Variants in MIER2 observed in about 807,000 individuals in gnomAD.
The protein encoded by MIER2 is MIER family member 2, also known as mesoderm induction early response protein 2.
MIER2 carries 30 observed loss-of-function variants against 67.6 expected under a neutral mutation model. The observed-to-expected ratio is 0.44, with a 90% CI of 0.33 to 0.60. MIER2 has a LOEUF of 0.60. Ranked by LOEUF, MIER2 falls within the 20% of genes least tolerant of loss-of-function variation. MIER2 has a pLI of 0.02. For missense variants in MIER2, 702 were observed against 745.1 expected (o/e 0.94, Z 0.67); for synonymous variants, 372 against 312.6 (o/e 1.19, Z -2.00).
At position 306,607 on chromosome 19, in the gene MIER2, A is replaced by G; in HGVS notation, c.*83T>C. 1 of 1,520,244 alleles carries G rather than the reference A, an allele frequency of 6.6e-7. No homozygotes were observed. The highest frequency in any genetic ancestry group is 8.9e-7 in the Non-Finnish European group (1 of 1,119,560). The allele number at this position is 1,520,244 out of a possible 1,614,324, so 94.2% of individuals were successfully genotyped here. On this transcript the variant is annotated 3_prime_UTR_variant, in exon 14 of 14. Coordinates refer to ENST00000264819, the MANE Select transcript of MIER2 (RefSeq NM_017550.3). The stretch of plus-strand genomic sequence containing the variant: ...TACCCCAAGGCCCGGGGGGTGGGGA[A>G]GGGGTCAGGAAGACTGACAGAGGCG...
intron 4 of MIER2, among the ~76,000 whole-genome samples, 173 bp from the exon 5 acceptor site, chr19:327,429 C>T (rs987485343): frequency 2.0e-5 from 3 of 152,214 alleles, no homozygotes; most frequent in Non-Finnish European, 2.9e-5. Flanking sequence ...GAAGGAGACA[C>T]GTGGGAGCCC....
rs1568211898 is a variant in MIER2, at chr19:306,574, G to A, written c.*116C>T. On this transcript the variant is annotated 3_prime_UTR_variant, in exon 14 of 14. Coordinates refer to ENST00000264819, the MANE Select transcript of MIER2 (RefSeq NM_017550.3). Reference sequence around the variant, plus strand: ...AGTCCTGACGTGTTCTGAAGCAGAAGGAGGTGCTACCCCAAGGCCCGGGGG... The same window carrying A: ...AGTCCTGACGTGTTCTGAAGCAGAAAGAGGTGCTACCCCAAGGCCCGGGGG... The A allele has an allele frequency of 3.0e-6, 4 of 1,354,220 alleles. No individual in the cohort carries two copies. The South Asian group carries it at 3.9e-5, about 13-fold the overall frequency. 83.9% of individuals were successfully genotyped at this position (1,354,220 alleles called of 1,614,324 possible).
At chr19:336,195 G>T in intron 1 of MIER2, 22 bp from the exon 2 acceptor site, 1 of 1,604,266 alleles carries the variant, frequency 6.2e-7, no homozygotes, top group Non-Finnish European at 8.5e-7. Context: ...GAGAGGCAGG[G>T]TTAGCTCGGC....
chr19:309,775 G>C (rs113719169), intron 10 of MIER2, among the ~76,000 whole-genome samples: 15 of 113,658 alleles, frequency 1.3e-4, no homozygotes, highest in South Asian at 3.1e-4. Context: ...GCTTCAGGGA[G>C]ACGAGAAGGG....
chr19:309,247 C>A (rs1342393064), intron 10 of MIER2, among the ~76,000 whole-genome samples: 3 of 152,110 alleles, frequency 2.0e-5, no homozygotes, highest in African/African-American at 7.2e-5. Flanking sequence ...GTCTACTGCT[C>A]ACCCACCCCA....
rs34351754 is a variant in MIER2 at position 338,170 on chromosome 19, C to CAA, written c.10-1999_10-1998dup. Reference sequence around the variant, plus strand: ...CTGGCAATACAGCAAGACTCCATCTCAAAAAAAAAAAAAAAAAAAAAAAAA... The same window carrying CAA: ...CTGGCAATACAGCAAGACTCCATCTCAAAAAAAAAAAAAAAAAAAAAAAAAAA... On this transcript the variant is annotated intron_variant, in intron 1 of 13. Transcript: ENST00000264819. Among the ~76,000 whole-genome samples the CAA allele has an allele frequency of 2.5e-4, 19 of 76,898 alleles. 1 individual carries two copies. The highest frequency in any genetic ancestry group is 3.3e-4 in the Non-Finnish European group (13 of 38,840). The allele number at this position is 76,898 out of a possible 152,430, so 50.4% of individuals were successfully genotyped here. A position where few individuals can be genotyped will look rare whatever the true frequency, so the allele number is the denominator to read the frequency against.
intron 7 of MIER2, among the ~76,000 whole-genome samples, chr19:317,235 A>C (rs1366029320): frequency 1.3e-5 from 2 of 152,092 alleles, no homozygotes; most frequent in African/African-American, 4.8e-5. Context: ...TCTACTAAAA[A>C]TACAAAATTA....
At chr19:334,584 C>A in intron 2 of MIER2, 42 bp from the exon 3 acceptor site, 3 of 1,598,644 alleles carry the variant, frequency 1.9e-6, no homozygotes, top group Admixed American at 1.7e-5. Context: ...CGTGCCTCGC[C>A]TGTCCCAACC....
chr19:334,191 G>T, intron 3 of MIER2: 2 of 615,150 alleles, frequency 3.3e-6, no homozygotes, highest in Non-Finnish European at 5.5e-6. Flanking sequence ...AGAGCAGCTG[G>T]CTTAATCCTT....
chr19:336,851 CT>C (rs1004469603), intron 1 of MIER2, among the ~76,000 whole-genome samples: 2 of 151,296 alleles, frequency 1.3e-5, no homozygotes, highest in East Asian at 1.9e-4. Context: ...CAATATCTCT[CT>C]TTTTTTTTGA....
Position 311,079 on chromosome 19 carries a change from C to A in MIER2, c.984+766G>T, listed in dbSNP as rs1229746651. Among the ~76,000 whole-genome samples, 4 of 152,240 alleles carry A rather than the reference C, an allele frequency of 2.6e-5. No individual in the cohort carries two copies. In the East Asian group the frequency reaches 7.7e-4, roughly 29 times the overall value. On this transcript the variant is annotated intron_variant, in intron 10 of 13. Transcript: ENST00000264819. The stretch of plus-strand genomic sequence containing the variant: ...CGGGCAGGTGCCTCCTCACCCAAGC[C>A]CTTCAGTGGACGACATCGGGCCCCA...
chr19:307,933 C>A (rs946673001), intron 12 of MIER2, among the ~76,000 whole-genome samples: 1 of 119,334 alleles, frequency 8.4e-6, no homozygotes, highest in South Asian at 2.2e-4. Context: ...CCACAGGCAG[C>A]GCAAGGGGCC....
At chr19:334,170 CAGA>C (rs35100603) in intron 3 of MIER2, 127,932 of 535,798 alleles carry the variant, frequency 0.24, 18,800 homozygotes, top group East Asian at 0.62. Flanking sequence ...GTTCTGAGAC[CAGA>C]AGATTTGAGA....
rs1971825643 is a variant in MIER2, at chr19:327,755, C to T, written c.369+109G>A. 2.0e-6 allele frequency: 3 copies of T among 1,507,650 alleles called. No homozygotes were observed. In the African/African-American group the frequency reaches 4.2e-5, roughly 21 times the overall value. 93.4% of individuals were successfully genotyped at this position (1,507,650 alleles called of 1,614,324 possible). On this transcript the variant is annotated intron_variant, in intron 4 of 13. Coordinates refer to ENST00000264819, the MANE Select transcript of MIER2 (RefSeq NM_017550.3). ...TGGTCACAGGTACATTCTACTTATT[C>T]TGGGGGCCTTTGTGCCTCCTCTCAC...
At chr19:326,009 G>A (rs749075637) in intron 6 of MIER2, among the ~76,000 whole-genome samples, 20 of 152,224 alleles carry the variant, frequency 1.3e-4, no homozygotes, top group Admixed American at 2.0e-4. Flanking sequence ...ACCTGTGGCC[G>A]GTCCCAGCCC....
At chr19:329,254 C>T (rs1288524147) in intron 3 of MIER2, among the ~76,000 whole-genome samples, 1 of 152,218 alleles carries the variant, frequency 6.6e-6, no homozygotes, top group African/African-American at 2.4e-5. Flanking sequence ...AATATCTACA[C>T]TGAGTCCCCC....
intron 1 of MIER2, among the ~76,000 whole-genome samples, chr19:339,580 C>G (rs1972413026): frequency 6.6e-6 from 1 of 152,174 alleles, no homozygotes; most frequent in South Asian, 2.1e-4. Flanking sequence ...ACCATGTGAC[C>G]CAGGTCAGGG....
chr19:331,408 C>G (rs1293433324), intron 3 of MIER2, among the ~76,000 whole-genome samples: 1 of 150,756 alleles, frequency 6.6e-6, no homozygotes, highest in Non-Finnish European at 1.5e-5. Context: ...TGGCTCACAC[C>G]TATACTCCCA....
In MIER2 at chr19:319,130, G is replaced by A. The variant is rs1034726711; in HGVS notation, c.656-5487C>T. 3.3e-5 allele frequency among the ~76,000 whole-genome samples: 5 copies of A among 151,308 alleles called. 1 individual carries two copies. Among genetic ancestry groups the A allele is most frequent in the African/African-American group, 1.2e-4 (5 of 41,154 alleles). ...TAATCCCAGCTCTTTGGGAGGCCAA[G>A]GTGGGTGGATCACCTGAGGTCAGGA... On this transcript the variant is annotated intron_variant, in intron 7 of 13. Transcript: ENST00000264819.
Sources: gnomAD v4.1 joint callset for allele counts (sites outside exome capture counted in the v4.1 genomes callset) on GRCh38, gnomAD v4.1.1 for gene constraint, MANE v1.5 for transcripts, NCBI Gene and HGNC (gene_info 2026-07-23, HGNC 2026-07-21) for gene names.